CDH11: variants seen among roughly 807,000 people sequenced by gnomAD.
CDH11 encodes cadherin 11.
In CDH11, 11 loss-of-function variants were observed where a neutral mutation model predicts 67.8. The observed-to-expected ratio is 0.16, with a 90% CI of 0.10 to 0.27. CDH11 has a LOEUF of 0.27. Among genes scored for constraint, CDH11 ranks in the 10% least tolerant of loss-of-function variants. The probability of loss-of-function intolerance (pLI) is 1.00; values close to 1 mark genes in which losing one functional copy is unlikely to be tolerated. For synonymous variants in CDH11, 419 were observed against 400.0 expected, an observed-to-expected ratio of 1.05 and a Z score of -0.57; for missense variants, 847 against 1,031.2, an observed-to-expected ratio of 0.82 and a Z score of 2.45.
chr16:65,043,298 A>C (rs2073898135), intron 2 of CDH11, among the ~76,000 whole-genome samples: 1 of 151,546 alleles, frequency 6.6e-6, no homozygotes, highest in South Asian at 2.1e-4. Context: ...AGTTTGTCAC[A>C]GGTTGGATTA....
intron 11 of CDH11, among the ~76,000 whole-genome samples, chr16:64,953,433 A>T (rs1250375222): frequency 1.3e-5 from 2 of 152,066 alleles, no homozygotes; most frequent in Non-Finnish European, 2.9e-5. Flanking sequence ...CACTGCCAAC[A>T]TTTCATCCAA....
At chr16:65,011,097 T>TATATATA (rs1555518844) in intron 2 of CDH11, among the ~76,000 whole-genome samples, 8 of 114,866 alleles carry the variant, frequency 7.0e-5, no homozygotes, top group Admixed American at 1.1e-4. Flanking sequence ...CACATATTTT[T>TATATATA]TATATATATA....
Position 64,976,402 on chromosome 16 carries a change from C to CA in CDH11, c.1254-3363dup, listed in dbSNP as rs376958329. Among the ~76,000 whole-genome samples the CA allele has an allele frequency of 2.7e-3, 395 of 147,618 alleles. 4 individuals are homozygous for CA. Among genetic ancestry groups the CA allele is most frequent in the African/African-American group, 8.4e-3 (335 of 40,020 alleles). On this transcript the variant is annotated intron_variant, in intron 8 of 12. Coordinates refer to ENST00000268603, the MANE Select transcript of CDH11 (RefSeq NM_001797.4). Reference sequence around the variant, plus strand: ...ATGTGTCTAATGCTACAGTCTGAGACAAAAAAAAACAAAAACAAAAAACTG... The same window carrying CA: ...ATGTGTCTAATGCTACAGTCTGAGACAAAAAAAAAACAAAAACAAAAAACTG...
intron 2 of CDH11, among the ~76,000 whole-genome samples, chr16:65,048,925 TA>T (rs1375390802): frequency 6.6e-6 from 1 of 152,026 alleles, no homozygotes; most frequent in Non-Finnish European, 1.5e-5. Context: ...AGCTGGAGGC[TA>T]TTATCCTAAG....
intron 2 of CDH11, among the ~76,000 whole-genome samples, chr16:65,005,370 T>A (rs571965125): frequency 4.6e-5 from 7 of 152,328 alleles, no homozygotes; most frequent in African/African-American, 1.7e-4. Flanking sequence ...AACGGGGAAT[T>A]AAAGGAGTCC....
chr16:65,021,569 C>CAT (rs58195440), intron 2 of CDH11, among the ~76,000 whole-genome samples: 9,269 of 138,908 alleles, frequency 0.067, 364 homozygotes, highest in Middle Eastern at 0.088. Context: ...CACACACACA[C>CAT]ATATATATAT....
intron 11 of CDH11, among the ~76,000 whole-genome samples, chr16:64,957,431 C>T (rs2071544463): frequency 6.6e-6 from 1 of 152,046 alleles, no homozygotes; most frequent in South Asian, 2.1e-4. Flanking sequence ...GGAAGTAGAT[C>T]TATCTACCAC....
chr16:65,102,850 C>A (rs1344599445), intron 1 of CDH11, among the ~76,000 whole-genome samples: 1 of 152,106 alleles, frequency 6.6e-6, no homozygotes, highest in Non-Finnish European at 1.5e-5. Context: ...AGGACAGGAG[C>A]AATGGAGCAA....
chr16:64,954,948 T>TA (rs71143536), intron 11 of CDH11, among the ~76,000 whole-genome samples: 17,866 of 121,236 alleles, frequency 0.15, 1,383 homozygotes, highest in East Asian at 0.4. Context: ...TACTAAAAAA[T>TA]AAAAAAAAAA....
At chr16:64,987,104 G>A (rs2072506278) in intron 7 of CDH11, 1 of 152,120 alleles carries the variant, frequency 6.6e-6, no homozygotes, top group African/African-American at 2.4e-5. Flanking sequence ...TTAAAACCAA[G>A]GTAATCCCAT....
intron 1 of CDH11, among the ~76,000 whole-genome samples, chr16:65,096,366 T>C (rs1915117): frequency 0.23 from 35,517 of 151,428 alleles, 5,066 homozygotes; most frequent in Middle Eastern, 0.33. Context: ...TACTATATGC[T>C]AAAATTGCTT....
intron 1 of CDH11, among the ~76,000 whole-genome samples, chr16:65,113,556 G>A (rs753787734): frequency 4.6e-5 from 7 of 152,150 alleles, no homozygotes; most frequent in Non-Finnish European, 1.0e-4. Context: ...GTAGTGGTTC[G>A]AAGTGGTTAG....
rs71143552 is a variant in CDH11 at position 65,111,674 on chromosome 16, A to AACACACACACACAC, written c.-298+10192_-298+10205dup. ...GTCCTTTCCTCTGAGGAAAGCTAGA[A>AACACACACACACAC]ACACACACACACACACACACACACA... On this transcript the variant is annotated intron_variant, in intron 1 of 12. Transcript: ENST00000268603. Among the ~76,000 whole-genome samples the AACACACACACACAC allele has an allele frequency of 9.0e-3, 1,268 of 140,672 alleles. 21 individuals are homozygous for AACACACACACACAC. Among genetic ancestry groups the AACACACACACACAC allele is most frequent in the East Asian group, 0.046 (215 of 4,630 alleles). 92.3% of individuals were successfully genotyped at this position (140,672 alleles called of 152,430 possible).
At chr16:64,960,108 C>T (rs1234362694) in intron 11 of CDH11, among the ~76,000 whole-genome samples, 1 of 152,168 alleles carries the variant, frequency 6.6e-6, no homozygotes, top group African/African-American at 2.4e-5. Context: ...AGAGGGTCAT[C>T]TCATTCTTCC....
At chr16:65,023,963 C>A (rs2073482047) in intron 2 of CDH11, among the ~76,000 whole-genome samples, 1 of 152,132 alleles carries the variant, frequency 6.6e-6, no homozygotes, top group African/African-American at 2.4e-5. Flanking sequence ...GATGCCTGAA[C>A]TCCTGGGGAT....
intron 1 of CDH11, among the ~76,000 whole-genome samples, chr16:65,091,032 C>G (rs1199420710): frequency 2.0e-5 from 3 of 152,230 alleles, no homozygotes; most frequent in Non-Finnish European, 4.4e-5. Context: ...TCTACATGCT[C>G]TGATATACGC....
intron 1 of CDH11, among the ~76,000 whole-genome samples, chr16:65,094,366 CCA>C (rs2074846462): frequency 6.6e-6 from 1 of 151,972 alleles, no homozygotes; most frequent in South Asian, 2.1e-4. Context: ...AGAATTTCTC[CCA>C]CAGAGTCTAA....
intron 2 of CDH11, among the ~76,000 whole-genome samples, chr16:65,009,775 G>T (rs1184798244): frequency 1.3e-5 from 2 of 152,176 alleles, no homozygotes; most frequent in Non-Finnish European, 2.9e-5. Flanking sequence ...GGAGCATATT[G>T]CTTGGAGGGA....
At chr16:64,975,832 C>T (rs537011267) in intron 8 of CDH11, among the ~76,000 whole-genome samples, 10 of 151,990 alleles carry the variant, frequency 6.6e-5, no homozygotes, top group Non-Finnish European at 1.5e-4. Flanking sequence ...CTAACCTACA[C>T]ATGTACCCCC....
Sources: allele counts gnomAD v4.1 joint callset (sites outside exome capture counted in the v4.1 genomes callset), GRCh38; gene constraint gnomAD v4.1.1; transcripts MANE v1.5; gene names NCBI Gene and HGNC (gene_info 2026-07-23, HGNC 2026-07-21).